Variants in CFAP20 observed in about 807,000 individuals in gnomAD.
CFAP20 encodes cilia and flagella associated protein 20, also known as cilia- and flagella-associated protein 20.
CFAP20 carries 14 observed loss-of-function variants against 25.5 expected under a neutral mutation model. That is an observed-to-expected ratio of 0.55 (90% CI 0.36 to 0.86). CFAP20 has a LOEUF of 0.86. Among genes scored for constraint, CFAP20 ranks in the 40% least tolerant of loss-of-function variants. CFAP20 has a pLI of 0.01. For synonymous variants in CFAP20, 75 were observed against 91.1 expected, an observed-to-expected ratio of 0.82 and a Z score of 1.01; for missense variants, 181 against 248.0, an observed-to-expected ratio of 0.73 and a Z score of 1.81.
chr16:58,127,856 C>T lies in CFAP20; in HGVS notation c.84+1176G>A, dbSNP rs115671222. 6.2e-3 allele frequency among the ~76,000 whole-genome samples: 945 copies of T among 152,300 alleles called. 7 individuals are homozygous for T. Among genetic ancestry groups the T allele is most frequent in the African/African-American group, 0.02 (832 of 41,546 alleles). The stretch of plus-strand genomic sequence containing the variant: ...CCTAGTGGTGACAGGCAGAAAGCTG[C>T]TCATGTTCTCTCCCAACTTTATGTG... On this transcript the variant is annotated intron_variant, in intron 1 of 5. Transcript: ENST00000262498.
chr16:58,129,215 G>C lies in CFAP20; in HGVS notation c.-100C>G. ...GAGGGCACAGCAGCAGGCCGGCCCT[G>C]TTCCGAAGAAGGGTGGTTGAGCTCC... is the stretch of plus-strand genomic sequence containing the variant. On this transcript the variant is annotated 5_prime_UTR_variant, in exon 1 of 6. Transcript: ENST00000262498. 1.5e-6 allele frequency: 2 copies of C among 1,312,890 alleles called. No individual in the cohort carries two copies. The highest frequency in any genetic ancestry group is 2.5e-5 in the East Asian group (1 of 40,008). 81.3% of individuals were successfully genotyped at this position (1,312,890 alleles called of 1,614,324 possible). A position where few individuals can be genotyped will look rare whatever the true frequency, so the allele number is the denominator to read the frequency against.
intron 1 of CFAP20, among the ~76,000 whole-genome samples, chr16:58,118,693 G>A (rs1960491136): frequency 1.3e-5 from 2 of 151,746 alleles, no homozygotes; most frequent in South Asian, 2.1e-4. Context: ...GTAGTGGCAC[G>A]TGCCTATCGT....
intron 1 of CFAP20, among the ~76,000 whole-genome samples, chr16:58,123,559 G>A: frequency 8.3e-6 from 1 of 120,442 alleles, no homozygotes; most frequent in African/African-American, 3.0e-5. Context: ...TCGTGCCACT[G>A]CACTCCAGCC....
intron 1 of CFAP20, among the ~76,000 whole-genome samples, chr16:58,125,422 T>A (rs1960598707): frequency 6.6e-6 from 1 of 152,232 alleles, no homozygotes; most frequent in African/African-American, 2.4e-5. Flanking sequence ...CGGGAACTCA[T>A]GCTTGTAATT....
chr16:58,117,295 G>T (rs1960469236), intron 1 of CFAP20, among the ~76,000 whole-genome samples: 1 of 152,194 alleles, frequency 6.6e-6, no homozygotes, highest in Non-Finnish European at 1.5e-5. Flanking sequence ...AACAAGGCAG[G>T]TGATACTGTT....
In CFAP20 at chr16:58,129,011, C is replaced by G. The variant is rs1597090678; in HGVS notation, c.84+21G>C. ...GGGGTGCAGCCCCTCCACCCCGCCC[C>G]GTCGCCGCCCCTAGCCCGACCTTTT... On this transcript the variant is annotated intron_variant, in intron 1 of 5. Transcript: ENST00000262498. The G allele has an allele frequency of 1.9e-6, 3 of 1,611,096 alleles. No individual in the cohort carries two copies. The African/African-American group carries it at 4.0e-5, about 22-fold the overall frequency.
At chr16:58,115,065 G>C (rs768718603) in intron 4 of CFAP20, 145 bp from the exon 5 acceptor site, 1 of 972,792 alleles carries the variant, frequency 1.0e-6, no homozygotes, top group Non-Finnish European at 1.6e-6. Flanking sequence ...TCTGGCAAGA[G>C]GGAGGTCTTA....
rs142706410 is a variant in CFAP20, at chr16:58,125,474, T to G, written c.84+3558A>C. On this transcript the variant is annotated intron_variant, in intron 1 of 5. Coordinates refer to ENST00000262498, the MANE Select transcript of CFAP20 (RefSeq NM_013242.3). ...CTGAGGCAGGAGGACTGCTTGAGCA[T>G]AGGAATTCAAGACCAGCCTGGGCAA... Among the ~76,000 whole-genome samples the G allele has an allele frequency of 5.5e-3, 838 of 152,200 alleles. 3 individuals carry two copies. The highest frequency in any genetic ancestry group is 0.01 in the Middle Eastern group (3 of 294).
In CFAP20 at chr16:58,129,200, C is replaced by T; in HGVS notation, c.-85G>A. ...CAGGCACCGAGCGTCGAGGGCACAG[C>T]AGCAGGCCGGCCCTGTTCCGAAGAA... On this transcript the variant is annotated 5_prime_UTR_variant, in exon 1 of 6. Coordinates refer to ENST00000262498, the MANE Select transcript of CFAP20 (RefSeq NM_013242.3). The T allele has an allele frequency of 2.1e-6, 3 of 1,446,640 alleles. No homozygotes were observed. The highest frequency in any genetic ancestry group is 2.4e-5 in the South Asian group (2 of 84,354). The allele number at this position is 1,446,640 out of a possible 1,614,324, so 89.6% of individuals were successfully genotyped here. A position where few individuals can be genotyped will look rare whatever the true frequency, so the allele number is the denominator to read the frequency against.
rs533150561 is a variant in CFAP20 at position 58,122,581 on chromosome 16, C to A, written c.85-5630G>T. 4.7e-3 allele frequency among the ~76,000 whole-genome samples: 701 copies of A among 149,358 alleles called. 7 individuals carry two copies. The highest frequency in any genetic ancestry group is 6.7e-3 in the Non-Finnish European group (452 of 67,282). Reference sequence around the variant, plus strand: ...TGGGTGACAGAGCGAGACTCTGTTTCAAAAAAAAAGAAAAACAAAACCAAA... The same window carrying A: ...TGGGTGACAGAGCGAGACTCTGTTTAAAAAAAAAAGAAAAACAAAACCAAA... On this transcript the variant is annotated intron_variant, in intron 1 of 5. Coordinates refer to ENST00000262498, the MANE Select transcript of CFAP20 (RefSeq NM_013242.3).
chr16:58,124,093 A>G (rs1567448687), intron 1 of CFAP20, among the ~76,000 whole-genome samples: 1 of 152,174 alleles, frequency 6.6e-6, no homozygotes, highest in Non-Finnish European at 1.5e-5. Flanking sequence ...GTAGGAGGCT[A>G]CTACTAAGAG....
In CFAP20 at chr16:58,116,941, C is replaced by T; in HGVS notation, c.95G>A (p.Gly32Asp). The T allele has an allele frequency of 1.2e-6, 2 of 1,613,980 alleles. No homozygotes were observed. Among genetic ancestry groups the T allele is most frequent in the Non-Finnish European group, 1.7e-6 (2 of 1,179,890 alleles). ...ATTATCAGTGATTCTTTTGATGTGG[C>T]CATTCCGTACCTACAAGAAAGAAAA... The part of the protein sequence containing the change: ...LQIWDKKVRN[G>D]HIKRITDNDI... The change falls in exon 2 of 6, where the codon GGC becomes GAC. Residue 32 changes from glycine (G) to aspartate (D), a missense_variant. Coordinates refer to ENST00000262498, the MANE Select transcript of CFAP20 (RefSeq NM_013242.3).
chr16:58,124,835 G>C (rs1960590325), intron 1 of CFAP20, among the ~76,000 whole-genome samples: 2 of 151,836 alleles, frequency 1.3e-5, no homozygotes, highest in South Asian at 4.2e-4. Context: ...TTAGTGCTGG[G>C]ATTACAGGCA....
intron 1 of CFAP20, among the ~76,000 whole-genome samples, chr16:58,128,684 C>T (rs1022200354): frequency 2.6e-5 from 4 of 152,178 alleles, no homozygotes; most frequent in African/African-American, 4.8e-5. Context: ...ACGAGATGGG[C>T]ACCATCAACC....
intron 1 of CFAP20, among the ~76,000 whole-genome samples, chr16:58,128,707 TG>T (rs774042322): frequency 6.6e-6 from 1 of 152,000 alleles, no homozygotes; most frequent in Non-Finnish European, 1.5e-5. Context: ...ATTATATTGG[TG>T]GGGAAACAGT....
chr16:58,124,744 T>G (rs1960588277), intron 1 of CFAP20, among the ~76,000 whole-genome samples: 1 of 152,268 alleles, frequency 6.6e-6, no homozygotes, highest in South Asian at 2.1e-4. Flanking sequence ...TGAGTGAATG[T>G]GAAGGCCTAG....
At chr16:58,125,110 T>C (rs1461800491) in intron 1 of CFAP20, among the ~76,000 whole-genome samples, 2 of 152,244 alleles carry the variant, frequency 1.3e-5, no homozygotes, top group East Asian at 3.8e-4. Context: ...CATAAGGTTT[T>C]TCCTATTTCT....
chr16:58,117,105 G>C, intron 1 of CFAP20, 154 bp from the exon 2 acceptor site: 5 of 625,518 alleles, frequency 8.0e-6, no homozygotes, highest in Non-Finnish European at 1.4e-5. Flanking sequence ...ATTACCTCTA[G>C]ACAGGGTCAC....
chr16:58,124,154 C>T (rs749037129), intron 1 of CFAP20, among the ~76,000 whole-genome samples: 2 of 151,984 alleles, frequency 1.3e-5, no homozygotes, highest in African/African-American at 2.4e-5. Context: ...AAGCAGGTGC[C>T]AGAGCATGGG....
Sources: allele counts gnomAD v4.1 joint callset (sites outside exome capture counted in the v4.1 genomes callset), GRCh38; gene constraint gnomAD v4.1.1; transcripts MANE v1.5; gene names NCBI Gene and HGNC (gene_info 2026-07-23, HGNC 2026-07-21).